Variants in AKR1C1 observed in about 807,000 individuals in gnomAD.
AKR1C1 encodes the protein aldo-keto reductase family 1 member C1, also known as 20 alpha-hydroxysteroid dehydrogenase.
A neutral mutation model predicts 40.6 loss-of-function variants in AKR1C1; 32 were observed. The ratio of observed to expected loss-of-function variants is 0.79; its 90% CI spans 0.60 to 1.06. The LOEUF is 1.06. Ranked by LOEUF, AKR1C1 falls within the 50% of genes least tolerant of loss-of-function variation. The pLI is 0.00. For missense variants in AKR1C1, 320 were observed against 363.5 expected (o/e 0.88, Z 0.97); for synonymous variants, 105 against 134.2 (o/e 0.78, Z 1.50).
At chr10:4,973,848 A>G (rs1223770070) in intron 7 of AKR1C1, among the ~76,000 whole-genome samples, 1 of 151,848 alleles carries the variant, frequency 6.6e-6, no homozygotes. Context: ...CCAAGTCTCT[A>G]AAGAATTAAT....
intron 7 of AKR1C1, among the ~76,000 whole-genome samples, chr10:4,974,375 T>C (rs1398993611): frequency 6.6e-6 from 1 of 151,966 alleles, no homozygotes; most frequent in Non-Finnish European, 1.5e-5. Context: ...ATCTCCCAAA[T>C]TTTACCTGTG....
At position 4,966,969 on chromosome 10, in the gene AKR1C1, T is replaced by C; in HGVS notation, c.295T>C (p.Leu99=). Residue 99 remains leucine, a synonymous_variant, in exon 3 of 9, where the codon TTG becomes CTG. Coordinates refer to ENST00000380872, the MANE Select transcript of AKR1C1 (RefSeq NM_001353.6). The stretch of plus-strand genomic sequence containing the variant: ...TCGACCAGAGTTGGTCCGACCAGCC[T>C]TGGAAAGGTCACTGAAAAATCTTCA... ...SHRPELVRPA[L]ERSLKNLQLD... The C allele has an allele frequency of 6.2e-7, 1 of 1,613,952 alleles. No homozygotes were observed. The highest frequency in any genetic ancestry group is 8.5e-7 in the Non-Finnish European group (1 of 1,179,840).
At chr10:4,971,979 C>G (rs1242634677) in intron 5 of AKR1C1, among the ~76,000 whole-genome samples, 1 of 149,126 alleles carries the variant, frequency 6.7e-6, no homozygotes, top group Admixed American at 6.6e-5. Context: ...ATTGAGAAAC[C>G]AGGATAGGGT....
chr10:4,972,344 C>T (rs373628352), intron 6 of AKR1C1, 34 bp downstream of exon 6: 299 of 1,564,400 alleles, frequency 1.9e-4, no homozygotes, highest in Non-Finnish European at 2.4e-4. Flanking sequence ...ACCTAAAACA[C>T]CGGTTTGATA....
chr10:4,968,166 T>A, intron 3 of AKR1C1, 143 bp from the exon 4 acceptor site: 1 of 1,143,004 alleles, frequency 8.7e-7, no homozygotes, highest in Non-Finnish European at 1.3e-6. Context: ...CCTTCATATG[T>A]AGTACACTCT....
chr10:4,974,485 G>A (rs1182220301), intron 7 of AKR1C1, among the ~76,000 whole-genome samples: 1 of 151,776 alleles, frequency 6.6e-6, no homozygotes, highest in African/African-American at 2.4e-5. Context: ...TGAGTGTTGT[G>A]TCTTATCCTA....
intron 5 of AKR1C1, chr10:4,969,706 C>G (rs765236058): frequency 1.2e-6 from 2 of 1,612,168 alleles, no homozygotes; most frequent in Non-Finnish European, 8.5e-7. Context: ...TCCTTGAGTC[C>G]TGACTGGTGA....
chr10:4,972,378 T>G, intron 6 of AKR1C1, 68 bp downstream of exon 6: 8 of 1,594,528 alleles, frequency 5.0e-6, no homozygotes, highest in Non-Finnish European at 6.8e-6. Context: ...CAGATCATGC[T>G]GTTTCCTGGA....
intron 1 of AKR1C1, 93 bp downstream of exon 1, chr10:4,963,621 G>T (rs959843049): frequency 2.4e-5 from 26 of 1,086,220 alleles, no homozygotes; most frequent in Admixed American, 5.6e-5. Flanking sequence ...ATGTTACTCT[G>T]CATGACTCCC....
At position 4,968,846 on chromosome 10, in the gene AKR1C1, G is replaced by A; in HGVS notation, c.472G>A (p.Gly158Arg). The A allele has an allele frequency of 2.5e-6, 4 of 1,614,176 alleles. No individual in the cohort carries two copies. Among genetic ancestry groups the A allele is most frequent in the Non-Finnish European group, 3.4e-6 (4 of 1,180,048 alleles). Reference sequence around the variant, plus strand: ...GGCCGTGGAGAAGTGTAAAGATGCAGGATTGGCCAAGTCCATCGGGGTGTC... The same window carrying A: ...GGCCGTGGAGAAGTGTAAAGATGCAAGATTGGCCAAGTCCATCGGGGTGTC... ...WEAVEKCKDA[G>R]LAKSIGVSNF... The change falls in exon 5 of 9, where the codon GGA becomes AGA. Residue 158 changes from glycine to arginine, a missense_variant. Around this residue, in one of 3 missense-constraint regions of AKR1C1, gnomAD observed 214 missense variants for 214.8 expected, o/e 1.00. Transcript: ENST00000380872.
At position 4,981,500 on chromosome 10, in the gene AKR1C1, C is replaced by G. The variant is rs1315905700; in HGVS notation, c.*3758C>G. 2.6e-5 allele frequency: 4 copies of G among 152,144 alleles called. No individual in the cohort carries two copies. The highest frequency in any genetic ancestry group is 4.8e-5 in the African/African-American group (2 of 41,416). The allele number at this position is 152,144 out of a possible 1,614,324, so 9.4% of individuals were successfully genotyped here. On this transcript the variant is annotated 3_prime_UTR_variant, in exon 9 of 9. Transcript: ENST00000380872. ...CAGATGGGAGGCAGTGTGAGCATGCCTCTCCCACTTGGAGATTAGTGTGTA... is the reference window on the plus strand; with the variant it reads ...CAGATGGGAGGCAGTGTGAGCATGCGTCTCCCACTTGGAGATTAGTGTGTA...
At chr10:4,977,486 C>T (rs1471211823) in intron 8 of AKR1C1, among the ~76,000 whole-genome samples, 41 of 152,228 alleles carry the variant, frequency 2.7e-4, no homozygotes, top group African/African-American at 9.6e-4. Flanking sequence ...GTGTTAAGTT[C>T]CAGGCAGGGG....
rs563851320 is a variant in AKR1C1 at position 4,982,872 on chromosome 10, C to T, written c.*5130C>T. On this transcript the variant is annotated 3_prime_UTR_variant, in exon 9 of 9. Coordinates refer to ENST00000380872, the MANE Select transcript of AKR1C1 (RefSeq NM_001353.6). ...TGCATGAGCTCAGCTGTTACCACTGCGTACCACACCCTGACCAGTCAGAGG... is the reference window on the plus strand; with the variant it reads ...TGCATGAGCTCAGCTGTTACCACTGTGTACCACACCCTGACCAGTCAGAGG... The T allele has an allele frequency of 1.2e-5, 5 of 423,766 alleles. No individual in the cohort carries two copies. Among genetic ancestry groups the T allele is most frequent in the South Asian group, 8.6e-5 (5 of 58,178 alleles). 26.3% of individuals were successfully genotyped at this position (423,766 alleles called of 1,614,324 possible).
chr10:4,967,256 C>A, intron 3 of AKR1C1: 1 of 1,011,548 alleles, frequency 9.9e-7, no homozygotes, highest in Non-Finnish European at 1.3e-6. Flanking sequence ...AAGTGCAGAA[C>A]TCTCAAAGCC....
Position 4,968,390 on chromosome 10 carries a change from A to C in AKR1C1, c.447+4A>C. ...GGATCTCTGTGCCACATGGGAGGTG[A>C]GTGTTTGGAGGTGAGAGAACGGATA... On this transcript the variant is annotated splice_donor_region_variant and intron_variant, in intron 4 of 8. Transcript: ENST00000380872. 1 of 1,544,120 alleles carries C rather than the reference A, an allele frequency of 6.5e-7. No homozygotes were observed. The highest frequency in any genetic ancestry group is 8.9e-7 in the Non-Finnish European group (1 of 1,127,282).
At chr10:4,964,674 A>G (rs1429760882) in intron 1 of AKR1C1, among the ~76,000 whole-genome samples, 1 of 152,206 alleles carries the variant, frequency 6.6e-6, no homozygotes, top group African/African-American at 2.4e-5. Flanking sequence ...CACTGCAATC[A>G]TATGTTTCCT....
intron 3 of AKR1C1, chr10:4,967,838 T>A (rs923118673): frequency 1.4e-5 from 3 of 208,748 alleles, no homozygotes; most frequent in African/African-American, 7.2e-5. Context: ...GTGCATCTCC[T>A]AATTTCCAAA....
Position 4,982,927 on chromosome 10 carries a change from C to T in AKR1C1, c.*5185C>T, listed in dbSNP as rs1442046163. On this transcript the variant is annotated 3_prime_UTR_variant, in exon 9 of 9. Transcript: ENST00000380872. ...GAGTCGGTCCGCATGACAAGTTCACCGCTCGCATAACCAGCATTCAAGAAA... is the reference window on the plus strand; with the variant it reads ...GAGTCGGTCCGCATGACAAGTTCACTGCTCGCATAACCAGCATTCAAGAAA... The T allele has an allele frequency of 6.7e-6, 3 of 450,410 alleles. No individual in the cohort carries two copies. Among genetic ancestry groups the T allele is most frequent in the Admixed American group, 2.4e-5 (1 of 42,306 alleles). The allele number at this position is 450,410 out of a possible 1,614,324, so 27.9% of individuals were successfully genotyped here.
Sources: allele counts gnomAD v4.1 joint callset (sites outside exome capture counted in the v4.1 genomes callset), GRCh38; gene constraint gnomAD v4.1.1; regional missense constraint gnomAD v4.1.1; transcripts MANE v1.5; gene names NCBI Gene and HGNC (gene_info 2026-07-23, HGNC 2026-07-21).